The following EML4 variants were observed in gnomAD, a reference collection of about 807,000 sequenced individuals.
EML4 encodes the protein echinoderm microtubule-associated protein-like 4.
Under a neutral mutation model 129.0 loss-of-function variants are expected in EML4, and 72 were observed. The ratio of observed to expected loss-of-function variants is 0.56; its 90% CI spans 0.46 to 0.68. The LOEUF (loss-of-function observed/expected upper bound fraction) is 0.68. EML4 is among the 30% of genes least tolerant of loss of function. The pLI is 0.00. For missense variants in EML4, 1,363 were observed against 1,190.6 expected (o/e 1.14, Z -2.13); for synonymous variants, 532 against 405.0 (o/e 1.31, Z -3.77).
chr2:42,207,581 C>T (rs1672635670), intron 1 of EML4, among the ~76,000 whole-genome samples: 1 of 152,048 alleles, frequency 6.6e-6, no homozygotes, highest in Non-Finnish European at 1.5e-5. Context: ...TTTTTGGTTC[C>T]TACCCAGTTC....
chr2:42,248,536 A>C (rs577368667), intron 2 of EML4, among the ~76,000 whole-genome samples: 31 of 152,114 alleles, frequency 2.0e-4, no homozygotes, highest in Admixed American at 3.3e-4. Flanking sequence ...TTTTCTAATT[A>C]TCCTTAGTCA....
At chr2:42,280,763 G>T in intron 6 of EML4, 87 bp from the exon 7 acceptor site, 1 of 1,022,866 alleles carries the variant, frequency 9.8e-7, no homozygotes, top group Non-Finnish European at 1.4e-6. Context: ...TTTTTGTCTT[G>T]TTTTTATTGT....
intron 1 of EML4, among the ~76,000 whole-genome samples, chr2:42,179,785 A>G (rs1006642960): frequency 6.6e-6 from 1 of 152,064 alleles, no homozygotes; most frequent in African/African-American, 2.4e-5. Context: ...TATTTTTAGT[A>G]GAGATGGAGT....
At chr2:42,174,715 TAC>T (rs1004929056) in intron 1 of EML4, among the ~76,000 whole-genome samples, 2 of 152,250 alleles carry the variant, frequency 1.3e-5, no homozygotes, top group Admixed American at 6.5e-5. Context: ...ATTCCTTATT[TAC>T]AGTTTACAAA....
In EML4 at chr2:42,169,363, C is replaced by T. The variant is rs1313402611; in HGVS notation, c.-249C>T. 4 of 209,324 alleles carry T rather than the reference C, an allele frequency of 1.9e-5. No homozygotes were observed. The highest frequency in any genetic ancestry group is 9.6e-6 in the Non-Finnish European group (1 of 104,600). 13.0% of individuals were successfully genotyped at this position (209,324 alleles called of 1,614,324 possible). On this transcript the variant is annotated 5_prime_UTR_variant, in exon 1 of 23. Transcript: ENST00000318522. The stretch of plus-strand genomic sequence containing the variant: ...GGGGCGCGGCGCGGCGCGGCGCTCG[C>T]GGCTGCTGCCTGGGAGGGAGGCCGG...
rs9309080 is a variant in EML4, at chr2:42,264,103, G to GTTTTTTTTT, written c.642-585_642-577dup. Reference sequence around the variant, plus strand: ...AAGGCTCCCAACTCAAACAATACGTGTTTTTTTTTTTTTTTTTTTTTTTTT... The same window carrying GTTTTTTTTT: ...AAGGCTCCCAACTCAAACAATACGTGTTTTTTTTTTTTTTTTTTTTTTTTTTTTTTTTTT... On this transcript the variant is annotated intron_variant, in intron 5 of 22. Transcript: ENST00000318522. Among the ~76,000 whole-genome samples the GTTTTTTTTT allele has an allele frequency of 2.0e-4, 20 of 100,748 alleles. 5 individuals carry two copies. The highest frequency in any genetic ancestry group is 3.5e-4 in the Non-Finnish European group (18 of 51,220). The allele number at this position is 100,748 out of a possible 152,430, so 66.1% of individuals were successfully genotyped here.
chr2:42,206,549 C>T (rs796426761), intron 1 of EML4, among the ~76,000 whole-genome samples: 55 of 152,238 alleles, frequency 3.6e-4, no homozygotes, highest in African/African-American at 1.2e-3. Flanking sequence ...TATGTCTAGT[C>T]GTCTTGCCTA....
At chr2:42,318,096 A>G (rs979701328) in intron 19 of EML4, among the ~76,000 whole-genome samples, 5 of 152,228 alleles carry the variant, frequency 3.3e-5, no homozygotes, top group African/African-American at 1.2e-4. Context: ...TCCCCTAGCA[A>G]ACAAAATGGC....
chr2:42,201,927 C>CA (rs1334143550), intron 1 of EML4, among the ~76,000 whole-genome samples: 1 of 151,944 alleles, frequency 6.6e-6, no homozygotes, highest in Admixed American at 6.6e-5. Context: ...ACTAAAAATA[C>CA]AAAAAATTAG....
At chr2:42,323,518 T>C (rs1037655451) in intron 19 of EML4, among the ~76,000 whole-genome samples, 3 of 152,222 alleles carry the variant, frequency 2.0e-5, no homozygotes, top group Admixed American at 1.3e-4. Context: ...GTGGAGATTA[T>C]GGCTCCAGAA....
intron 13 of EML4, among the ~76,000 whole-genome samples, chr2:42,299,072 A>G (rs188022153): frequency 3.3e-5 from 5 of 152,290 alleles, no homozygotes; most frequent in Admixed American, 3.3e-4. Context: ...GTGTTGTTCA[A>G]TTTTTAAGGT....
intron 13 of EML4, among the ~76,000 whole-genome samples, chr2:42,300,953 C>A (rs1003560808): frequency 2.0e-5 from 3 of 152,094 alleles, no homozygotes; most frequent in South Asian, 2.1e-4. Context: ...TATACTATAT[C>A]CCCTTTCGTC....
At chr2:42,316,489 C>T (rs1415396800) in intron 18 of EML4, among the ~76,000 whole-genome samples, 2 of 152,140 alleles carry the variant, frequency 1.3e-5, no homozygotes, top group Non-Finnish European at 2.9e-5. Context: ...TGCATTGTTT[C>T]GGTTACATAG....
At chr2:42,271,167 T>C (rs1666341666) in intron 6 of EML4, among the ~76,000 whole-genome samples, 1 of 152,230 alleles carries the variant, frequency 6.6e-6, no homozygotes, top group Non-Finnish European at 1.5e-5. Context: ...ATGCTGGGAT[T>C]ATGGGCATGA....
intron 6 of EML4, among the ~76,000 whole-genome samples, chr2:42,268,159 A>G (rs770363846): frequency 1.3e-5 from 2 of 152,236 alleles, no homozygotes; most frequent in Admixed American, 6.5e-5. Context: ...CCTGGATTCA[A>G]CCGACCTGCA....
intron 3 of EML4, among the ~76,000 whole-genome samples, chr2:42,259,874 C>T (rs1285109989): frequency 2.1e-4 from 32 of 151,616 alleles, no homozygotes; most frequent in African/African-American, 6.5e-4. Flanking sequence ...GGGCTACAGG[C>T]GCCCACCACC....
At chr2:42,265,092 A>G in intron 6 of EML4, 2 of 826,562 alleles carry the variant, frequency 2.4e-6, no homozygotes, top group Non-Finnish European at 3.8e-6. Context: ...ATCCAGCTAC[A>G]TTTTACTTTT....
chr2:42,304,569 AC>A lies in EML4; in HGVS notation c.1967+19del. 2 of 1,593,814 alleles carry A rather than the reference AC, an allele frequency of 1.3e-6. No homozygotes were observed. Among genetic ancestry groups the A allele is most frequent in the Non-Finnish European group, 1.7e-6 (2 of 1,161,560 alleles). On this transcript the variant is annotated intron_variant, in intron 17 of 22. Transcript: ENST00000318522. ...TCAGGCAGGTAGGGTCTTTAAGTGA[AC>A]TGAGTAATCTGAAGTGGTGGGATGT... is the stretch of plus-strand genomic sequence containing the variant.
intron 6 of EML4, among the ~76,000 whole-genome samples, chr2:42,274,559 A>G (rs1407053849): frequency 3.9e-5 from 6 of 152,188 alleles, no homozygotes; most frequent in African/African-American, 1.4e-4. Flanking sequence ...ACTCTGCCTG[A>G]ATTTTTCCTT....
Sources: gnomAD v4.1 joint callset for allele counts (sites outside exome capture counted in the v4.1 genomes callset) on GRCh38, gnomAD v4.1.1 for gene constraint, MANE v1.5 for transcripts, NCBI Gene and HGNC (gene_info 2026-07-23, HGNC 2026-07-21) for gene names.